Variants in IGF1R observed in about 807,000 individuals in gnomAD.
The protein encoded by IGF1R is insulin-like growth factor 1 receptor.
Under a neutral mutation model 144.6 loss-of-function variants are expected in IGF1R, and 44 were observed. The observed-to-expected ratio is 0.30, with a 90% CI of 0.24 to 0.39. The LOEUF (loss-of-function observed/expected upper bound fraction) is 0.39, where lower values mean the gene tolerates loss of function less well. Ranked by LOEUF, IGF1R falls within the 10% of genes least tolerant of loss-of-function variation. The pLI is 1.00. For missense variants in IGF1R, 1,355 were observed against 1,833.7 expected, an observed-to-expected ratio of 0.74 and a Z score of 4.77; for synonymous variants, 795 against 722.8, an observed-to-expected ratio of 1.10 and a Z score of -1.60.
At chr15:98,761,481 G>A (rs913937497) in intron 2 of IGF1R, among the ~76,000 whole-genome samples, 1 of 152,182 alleles carries the variant, frequency 6.6e-6, no homozygotes, top group East Asian at 1.9e-4. Context: ...ACAGGGCCAG[G>A]GATCAAACCT....
intron 7 of IGF1R, 115 bp from the exon 8 acceptor site, chr15:98,912,929 T>C: frequency 1.4e-6 from 1 of 720,468 alleles, no homozygotes; most frequent in Non-Finnish European, 2.5e-6. Flanking sequence ...AATTGATTAT[T>C]TGTTTATTTA....
chr15:98,899,322 G>C (rs2014357460), intron 4 of IGF1R, among the ~76,000 whole-genome samples, 155 bp from the exon 5 acceptor site: 1 of 152,232 alleles, frequency 6.6e-6, no homozygotes, highest in Admixed American at 6.5e-5. Context: ...TCAAGCCAGG[G>C]AAGTGTGTTT....
chr15:98,920,548 G>A (rs906278847), intron 10 of IGF1R, among the ~76,000 whole-genome samples: 1 of 152,240 alleles, frequency 6.6e-6, no homozygotes, highest in Non-Finnish European at 1.5e-5. Flanking sequence ...TGTTGATGAT[G>A]TGTTGACAAA....
intron 1 of IGF1R, among the ~76,000 whole-genome samples, chr15:98,657,199 C>T (rs1222277004): frequency 1.3e-5 from 2 of 152,112 alleles, no homozygotes; most frequent in African/African-American, 4.8e-5. Context: ...CTTTAAAGAA[C>T]AGAAGTCTAA....
chr15:98,683,047 A>G (rs1289136592), intron 1 of IGF1R, among the ~76,000 whole-genome samples: 2 of 150,504 alleles, frequency 1.3e-5, no homozygotes, highest in Non-Finnish European at 3.0e-5. Context: ...CTGATCACAC[A>G]GTGCTGAGAT....
chr15:98,859,441 G>A (rs2012023008), intron 2 of IGF1R, among the ~76,000 whole-genome samples: 1 of 152,168 alleles, frequency 6.6e-6, no homozygotes. Context: ...TTTGCACTCA[G>A]ACACTCTAGA....
chr15:98,878,732 C>T (rs1596387624), intron 2 of IGF1R, among the ~76,000 whole-genome samples: 1 of 146,756 alleles, frequency 6.8e-6, no homozygotes. Context: ...GTGGCTCAGA[C>T]CTATAATCCC....
intron 2 of IGF1R, among the ~76,000 whole-genome samples, chr15:98,835,971 T>G (rs2057092639): frequency 6.6e-6 from 1 of 152,214 alleles, no homozygotes; most frequent in African/African-American, 2.4e-5. Flanking sequence ...TTTAAAAATT[T>G]TCAGTAAGTT....
At chr15:98,759,518 A>G (rs2055241265) in intron 2 of IGF1R, among the ~76,000 whole-genome samples, 1 of 152,244 alleles carries the variant, frequency 6.6e-6, no homozygotes, top group Non-Finnish European at 1.5e-5. Context: ...TGATGAACAC[A>G]TGTATTATTG....
At chr15:98,674,855 A>G (rs1203018840) in intron 1 of IGF1R, among the ~76,000 whole-genome samples, 1 of 152,042 alleles carries the variant, frequency 6.6e-6, no homozygotes, top group Non-Finnish European at 1.5e-5. Flanking sequence ...GTAGTATACT[A>G]TGTACACACA....
At chr15:98,895,944 C>T (rs2014173459) in intron 3 of IGF1R, among the ~76,000 whole-genome samples, 1 of 151,866 alleles carries the variant, frequency 6.6e-6, no homozygotes, top group African/African-American at 2.4e-5. Context: ...ACTATAGATC[C>T]CAAAGGTTCA....
intron 1 of IGF1R, among the ~76,000 whole-genome samples, chr15:98,661,955 C>CTTTTTT (rs1567062333): frequency 3.7e-5 from 4 of 108,204 alleles, no homozygotes; most frequent in African/African-American, 1.7e-4. Context: ...TGAATAGGGC[C>CTTTTTT]CTTTTTTTTT....
At chr15:98,840,960 C>T (rs942074251) in intron 2 of IGF1R, among the ~76,000 whole-genome samples, 9 of 152,182 alleles carry the variant, frequency 5.9e-5, no homozygotes, top group South Asian at 2.1e-4. Context: ...GGATTACAGG[C>T]GTGAGACACT....
At chr15:98,666,318 T>C (rs2052736748) in intron 1 of IGF1R, among the ~76,000 whole-genome samples, 1 of 152,030 alleles carries the variant, frequency 6.6e-6, no homozygotes. Context: ...GAAGATGATA[T>C]GGTGCTTCCT....
At chr15:98,740,162 G>C (rs746084088) in intron 2 of IGF1R, among the ~76,000 whole-genome samples, 8 of 152,210 alleles carry the variant, frequency 5.3e-5, no homozygotes, top group Non-Finnish European at 1.0e-4. Context: ...AAAGTTTTGG[G>C]TTAGTAATCT....
intron 2 of IGF1R, among the ~76,000 whole-genome samples, chr15:98,841,553 CTT>C (rs2011174903): frequency 6.6e-6 from 1 of 152,206 alleles, no homozygotes; most frequent in Non-Finnish European, 1.5e-5. Context: ...TTAGGCCTCT[CTT>C]ACCTGTTCCC....
intron 1 of IGF1R, among the ~76,000 whole-genome samples, chr15:98,667,682 G>C (rs1387454857): frequency 5.3e-5 from 8 of 152,160 alleles, no homozygotes; most frequent in African/African-American, 1.9e-4. Context: ...GAGCTTGTCT[G>C]GCTTCCAGAG....
intron 20 of IGF1R, among the ~76,000 whole-genome samples, chr15:98,955,792 G>T (rs1218939554): frequency 6.6e-6 from 1 of 152,252 alleles, no homozygotes; most frequent in Non-Finnish European, 1.5e-5. Flanking sequence ...GTAGTCTGTG[G>T]TCAAGCAGCC....
intron 20 of IGF1R, among the ~76,000 whole-genome samples, chr15:98,951,024 G>A (rs2016753453): frequency 6.6e-6 from 1 of 152,248 alleles, no homozygotes; most frequent in Non-Finnish European, 1.5e-5. Flanking sequence ...GGAGTACGTT[G>A]GCTGGGCGGC....
Sources: gnomAD v4.1 joint callset for allele counts (sites outside exome capture counted in the v4.1 genomes callset) on GRCh38, gnomAD v4.1.1 for gene constraint, MANE v1.5 for transcripts, NCBI Gene and HGNC (gene_info 2026-07-23, HGNC 2026-07-21) for gene names.